The following LDLRAD4 variants were observed in gnomAD, a reference collection of about 807,000 sequenced individuals.
LDLRAD4 encodes low-density lipoprotein receptor class A domain-containing protein 4.
A neutral mutation model predicts 17.0 loss-of-function variants in LDLRAD4; 5 were observed. The ratio of observed to expected loss-of-function variants is 0.29; its 90% CI spans 0.15 to 0.62. LDLRAD4 has a LOEUF of 0.62. LDLRAD4 is among the 20% of genes least tolerant of loss of function. The probability of loss-of-function intolerance (pLI) is 0.84; values close to 1 mark genes in which losing one functional copy is unlikely to be tolerated. For synonymous variants in LDLRAD4, 168 were observed against 171.8 expected (o/e 0.98, Z 0.17); for missense variants, 340 against 424.7 (o/e 0.80, Z 1.75).
At chr18:13,446,772 CGCCAAGA>C (rs1418240392) in intron 3 of LDLRAD4, among the ~76,000 whole-genome samples, 2 of 152,234 alleles carry the variant, frequency 1.3e-5, no homozygotes, top group Non-Finnish European at 2.9e-5. Context: ...CTGCTGCGGG[CGCCAAGA>C]GCCCGCCTCA....
intron 1 of LDLRAD4, among the ~76,000 whole-genome samples, chr18:13,381,024 A>T (rs1207438650): frequency 8.1e-5 from 12 of 148,042 alleles, no homozygotes; most frequent in Admixed American, 8.0e-4. Flanking sequence ...TTGCATTTCC[A>T]TGTGGATTTT....
intron 3 of LDLRAD4, among the ~76,000 whole-genome samples, chr18:13,576,253 T>C (rs2094768494): frequency 6.6e-6 from 1 of 151,818 alleles, no homozygotes; most frequent in Admixed American, 6.6e-5. Context: ...GAAACCTGTC[T>C]CTACTAAAAA....
chr18:13,443,912 T>C (rs1238205457), intron 3 of LDLRAD4, among the ~76,000 whole-genome samples: 1 of 152,218 alleles, frequency 6.6e-6, no homozygotes, highest in Non-Finnish European at 1.5e-5. Flanking sequence ...GCTGTGTGTG[T>C]GAAACTACCG....
chr18:13,362,805 A>G (rs1376551326), intron 1 of LDLRAD4, among the ~76,000 whole-genome samples: 2 of 152,202 alleles, frequency 1.3e-5, no homozygotes, highest in African/African-American at 4.8e-5. Flanking sequence ...CTCTATGAAA[A>G]TTACCCAAGA....
At chr18:13,641,891 G>T in intron 4 of LDLRAD4, 11 of 985,542 alleles carry the variant, frequency 1.1e-5, no homozygotes, top group Non-Finnish European at 1.3e-5. Flanking sequence ...CCCTCTGAGT[G>T]CCCCGCAGAT....
At chr18:13,640,788 C>T (rs1453997370) in intron 4 of LDLRAD4, among the ~76,000 whole-genome samples, 1 of 152,050 alleles carries the variant, frequency 6.6e-6, no homozygotes, top group African/African-American at 2.4e-5. Context: ...CTGTGGGATG[C>T]GTTAGAAGAC....
At chr18:13,266,504 G>A (rs998998622) in intron 1 of LDLRAD4, among the ~76,000 whole-genome samples, 2 of 152,246 alleles carry the variant, frequency 1.3e-5, no homozygotes, top group Admixed American at 6.5e-5. Flanking sequence ...GTGTCCAGAG[G>A]CGGGAGGATT....
intron 4 of LDLRAD4, among the ~76,000 whole-genome samples, chr18:13,624,090 C>T (rs1477875386): frequency 2.0e-5 from 3 of 152,206 alleles, no homozygotes; most frequent in African/African-American, 7.2e-5. Flanking sequence ...CTACAGTGCA[C>T]AGGCAGTCCC....
intron 1 of LDLRAD4, chr18:13,382,484 A>C (rs1054949742): frequency 2.0e-5 from 3 of 152,100 alleles, no homozygotes; most frequent in African/African-American, 7.2e-5. Context: ...GACGTGCTCT[A>C]TTTCCTTAGT....
At chr18:13,276,647 T>C (rs1485352403), upstream of LDLRAD4, among the ~76,000 whole-genome samples, 1 of 152,216 alleles carries the variant, frequency 6.6e-6, no homozygotes, top group Non-Finnish European at 1.5e-5. Context: ...CTTTGCCAAG[T>C]GGCCCCTCAC....
chr18:13,226,200 T>TTTTTG, intron 1 of LDLRAD4, among the ~76,000 whole-genome samples: 12 of 143,194 alleles, frequency 8.4e-5, no homozygotes, highest in South Asian at 2.2e-4. Context: ...TTTTTTTTTT[T>TTTTTG]TGTAGAGACC....
intron 3 of LDLRAD4, among the ~76,000 whole-genome samples, chr18:13,546,760 C>T (rs541246372): frequency 1.3e-5 from 2 of 152,300 alleles, no homozygotes; most frequent in Admixed American, 1.3e-4. Context: ...TCCCCACTTT[C>T]TCAGCTTAGA....
chr18:13,233,208 C>T (rs991755304), intron 1 of LDLRAD4, among the ~76,000 whole-genome samples: 5 of 152,228 alleles, frequency 3.3e-5, no homozygotes, highest in African/African-American at 4.8e-5. Context: ...GGTCACTGGC[C>T]GCTAAGAAGG....
intron 3 of LDLRAD4, among the ~76,000 whole-genome samples, chr18:13,505,645 C>CT (rs2093678488): frequency 6.6e-6 from 1 of 152,118 alleles, no homozygotes; most frequent in Admixed American, 6.5e-5. Context: ...CGGTGAAACT[C>CT]ATCTCTACTA....
chr18:13,439,277 G>T (rs2146183155), intron 3 of LDLRAD4, among the ~76,000 whole-genome samples: 1 of 152,272 alleles, frequency 6.6e-6, no homozygotes. Context: ...ATGTGAAAAT[G>T]GGAGGGGATT....
At chr18:13,319,117 A>G (rs2081084609) in intron 1 of LDLRAD4, among the ~76,000 whole-genome samples, 3 of 152,176 alleles carry the variant, frequency 2.0e-5, no homozygotes, top group Admixed American at 2.0e-4. Flanking sequence ...TTTCTCATGA[A>G]GCCCTTTATA....
Position 13,571,793 on chromosome 18 carries a change from T to C in LDLRAD4, c.182-49324T>C, listed in dbSNP as rs181568607. Among the ~76,000 whole-genome samples the C allele has an allele frequency of 8.5e-3, 1,296 of 152,200 alleles. 5 individuals are homozygous for C. The highest frequency in any genetic ancestry group is 0.015 in the Non-Finnish European group (1,000 of 68,002). On this transcript the variant is annotated intron_variant, in intron 3 of 5. Coordinates refer to ENST00000359446, the Ensembl canonical transcript of LDLRAD4. The stretch of plus-strand genomic sequence containing the variant: ...CTGGGACTACAGGCGCCCGCCACTA[T>C]GCCTGGCTAATTTTTTGTGTTTTTA...
rs996774924 is a variant in LDLRAD4 at position 13,367,399 on chromosome 18, G to A, written c.-382-19942G>A. On this transcript the variant is annotated intron_variant, in intron 1 of 5. Coordinates refer to ENST00000359446, the Ensembl canonical transcript of LDLRAD4. This position sits in a 1 kb window ranked among gnomAD's most constrained non-coding sequence, Gnocchi z 4.1. ...GGGACTGGCAGGCAGGAAAGGGGGC[G>A]AGGGGGTCTCAGGCATTGAACTGCG... Among the ~76,000 whole-genome samples, 1 of 152,188 alleles carries A rather than the reference G, an allele frequency of 6.6e-6. No individual in the cohort carries two copies. Among genetic ancestry groups the A allele is most frequent in the Non-Finnish European group, 1.5e-5 (1 of 68,032 alleles).
intron 2 of LDLRAD4, among the ~76,000 whole-genome samples, chr18:13,404,047 A>G (rs184634279): frequency 1.4e-4 from 22 of 152,218 alleles, no homozygotes; most frequent in African/African-American, 4.3e-4. Context: ...CCTGTCCCCC[A>G]GTGGCTAGGC....
Sources: allele counts gnomAD v4.1 joint callset (sites outside exome capture counted in the v4.1 genomes callset), GRCh38; gene constraint gnomAD v4.1.1; non-coding constraint Gnocchi (gnomAD v3.1); transcripts MANE v1.5; gene names NCBI Gene and HGNC (gene_info 2026-07-23, HGNC 2026-07-21).